KHDRBS2: variants seen among roughly 807,000 people sequenced by gnomAD.
KHDRBS2 encodes the protein KH RNA binding domain containing, signal transduction associated 2, also known as KH domain-containing, RNA-binding, signal transduction-associated protein 2.
Under a neutral mutation model 44.3 loss-of-function variants are expected in KHDRBS2, and 26 were observed. The ratio of observed to expected loss-of-function variants is 0.59; its 90% CI spans 0.43 to 0.81. The LOEUF (loss-of-function observed/expected upper bound fraction) is 0.81. KHDRBS2 is among the 40% of genes least tolerant of loss of function. The pLI is 0.00. For missense variants in KHDRBS2, 476 were observed against 433.1 expected, an observed-to-expected ratio of 1.10 and a Z score of -0.88; for synonymous variants, 194 against 151.1, an observed-to-expected ratio of 1.28 and a Z score of -2.08.
chr6:61,601,039 G>A, the KHDRBS2 span, among the ~76,000 whole-genome samples: 1 of 152,140 alleles, frequency 6.6e-6, no homozygotes, highest in African/African-American at 2.4e-5. Flanking sequence ...CATTTCATTG[G>A]TGTTTGATCA....
the KHDRBS2 span, among the ~76,000 whole-genome samples, chr6:61,548,870 A>C: frequency 6.6e-6 from 1 of 152,122 alleles, no homozygotes; most frequent in Non-Finnish European, 1.5e-5. Context: ...GTTGGCCACT[A>C]CCACTCAGGA....
intron 6 of KHDRBS2, among the ~76,000 whole-genome samples, chr6:61,834,595 A>G (rs2127265510): frequency 6.6e-6 from 1 of 152,150 alleles, no homozygotes; most frequent in African/African-American, 2.4e-5. Context: ...GCAAATGCAA[A>G]GATGTCACTA....
chr6:62,085,227 A>G lies in KHDRBS2; in HGVS notation c.220-37233T>C, dbSNP rs1475748134. On this transcript the variant is annotated intron_variant, in intron 2 of 8. Transcript: ENST00000281156. Reference sequence around the variant, plus strand: ...GACACAAAACATGGTGAAGCTAGCTAGATGAAACTGTTGGCAAGGTTAGAT... The same window carrying G: ...GACACAAAACATGGTGAAGCTAGCTGGATGAAACTGTTGGCAAGGTTAGAT... Among the ~76,000 whole-genome samples the G allele has an allele frequency of 3.9e-5, 6 of 152,166 alleles. No homozygotes were observed. In the South Asian group the frequency reaches 6.2e-4, roughly 16 times the overall value.
chr6:61,637,855 T>C, the KHDRBS2 span, among the ~76,000 whole-genome samples: 2 of 152,154 alleles, frequency 1.3e-5, no homozygotes, highest in Non-Finnish European at 1.5e-5. Flanking sequence ...TCTGTTCATG[T>C]CCTTTGCCCA....
intron 6 of KHDRBS2, among the ~76,000 whole-genome samples, chr6:61,802,904 A>G (rs1786515116): frequency 6.6e-6 from 1 of 152,182 alleles, no homozygotes; most frequent in South Asian, 2.1e-4. Flanking sequence ...TGAAACAGCC[A>G]TGAGTAAAAG....
chr6:61,725,524 TA>T (rs940289081), intron 7 of KHDRBS2, among the ~76,000 whole-genome samples: 2 of 151,404 alleles, frequency 1.3e-5, no homozygotes, highest in East Asian at 1.9e-4. Flanking sequence ...TTGAAACCAT[TA>T]AAAAAATAGA....
chr6:62,185,506 T>C (rs1823236977), intron 1 of KHDRBS2, among the ~76,000 whole-genome samples: 1 of 151,980 alleles, frequency 6.6e-6, no homozygotes. Context: ...TATTTTCCTT[T>C]TTATTGAAGG....
chr6:62,057,558 T>C (rs769970732), intron 2 of KHDRBS2, among the ~76,000 whole-genome samples: 15 of 151,920 alleles, frequency 9.9e-5, no homozygotes, highest in African/African-American at 1.2e-4. Flanking sequence ...CAGTTCACAG[T>C]CAGCAATTGG....
intron 3 of KHDRBS2, among the ~76,000 whole-genome samples, chr6:61,982,304 C>T (rs1375856711): frequency 6.6e-6 from 1 of 152,052 alleles, no homozygotes; most frequent in African/African-American, 2.4e-5. Flanking sequence ...AAACGGGATT[C>T]CCTCTGAGAC....
In KHDRBS2 at chr6:61,993,667, ATATATATT is replaced by A. The variant is rs1380053518; in HGVS notation, c.337-15463_337-15456del. Among the ~76,000 whole-genome samples, 360 of 123,036 alleles carry A rather than the reference ATATATATT, an allele frequency of 2.9e-3. 6 individuals carry two copies. Among genetic ancestry groups the A allele is most frequent in the African/African-American group, 9.4e-3 (328 of 34,850 alleles). The allele number at this position is 123,036 out of a possible 152,430, so 80.7% of individuals were successfully genotyped here. A position where few individuals can be genotyped will look rare whatever the true frequency, so the allele number is the denominator to read the frequency against. ...CATAAAATCATATATATATATATAT[ATATATATT>A]TTTTTTTTTTGATGTGAGCTTATAT... On this transcript the variant is annotated intron_variant, in intron 3 of 8. Transcript: ENST00000281156.
At chr6:62,146,966 T>C (rs895263798) in intron 2 of KHDRBS2, among the ~76,000 whole-genome samples, 1 of 151,926 alleles carries the variant, frequency 6.6e-6, no homozygotes, top group African/African-American at 2.4e-5. Context: ...AAGGTTATAT[T>C]TTTATGCCCA....
At chr6:61,654,942 GGCTCCT>G in the KHDRBS2 span, among the ~76,000 whole-genome samples, 1 of 151,616 alleles carries the variant, frequency 6.6e-6, no homozygotes, top group African/African-American at 2.4e-5. Flanking sequence ...CAATCTCATA[GGCTCCT>G]GCCAGGGTAC....
At chr6:61,653,199 T>A in the KHDRBS2 span, among the ~76,000 whole-genome samples, 1 of 151,908 alleles carries the variant, frequency 6.6e-6, no homozygotes, top group South Asian at 2.1e-4. Flanking sequence ...TAGTGAAAAA[T>A]AAGGTAAACA....
chr6:61,813,462 C>T (rs1788435476), intron 6 of KHDRBS2, among the ~76,000 whole-genome samples: 1 of 152,104 alleles, frequency 6.6e-6, no homozygotes, highest in Non-Finnish European at 1.5e-5. Flanking sequence ...ATTTGCAAAC[C>T]TAGGAATTTC....
At chr6:61,954,775 T>TGC (rs1765874684) in intron 4 of KHDRBS2, among the ~76,000 whole-genome samples, 1 of 110,576 alleles carries the variant, frequency 9.0e-6, no homozygotes, top group African/African-American at 3.3e-5. Context: ...TATACATACA[T>TGC]ATGTGTATAT....
At chr6:61,822,467 C>T (rs1030894124) in intron 6 of KHDRBS2, among the ~76,000 whole-genome samples, 4 of 151,966 alleles carry the variant, frequency 2.6e-5, no homozygotes, top group African/African-American at 9.7e-5. Flanking sequence ...TTTCTATCAT[C>T]TTCATCAGTG....
chr6:61,811,209 T>C (rs1323604068), intron 6 of KHDRBS2, among the ~76,000 whole-genome samples: 1 of 152,160 alleles, frequency 6.6e-6, no homozygotes, highest in Admixed American at 6.6e-5. Context: ...CATGTGATAT[T>C]TGGTTTCCTG....
intron 1 of KHDRBS2, among the ~76,000 whole-genome samples, chr6:62,263,025 A>C (rs531720659): frequency 6.6e-6 from 1 of 151,774 alleles, no homozygotes; most frequent in Non-Finnish European, 1.5e-5. Context: ...GCTTGAGTAT[A>C]AACACTAAAA....
chr6:61,705,047 T>C (rs574226239), intron 7 of KHDRBS2, among the ~76,000 whole-genome samples: 2 of 151,988 alleles, frequency 1.3e-5, no homozygotes, highest in East Asian at 3.9e-4. Flanking sequence ...AATTCTGGGC[T>C]AACTTCACTC....
Sources: gnomAD v4.1 joint callset for allele counts (sites outside exome capture counted in the v4.1 genomes callset) on GRCh38, gnomAD v4.1.1 for gene constraint, MANE v1.5 for transcripts, NCBI Gene and HGNC (gene_info 2026-07-23, HGNC 2026-07-21) for gene names.